Variants in ABLIM1 observed in about 807,000 individuals in gnomAD.
ABLIM1 encodes actin binding LIM protein 1, also known as actin-binding LIM protein 1.
ABLIM1 carries 40 observed loss-of-function variants against 107.0 expected under a neutral mutation model. That is an observed-to-expected ratio of 0.37 (90% confidence interval 0.29 to 0.49). The LOEUF (loss-of-function observed/expected upper bound fraction) is 0.49. Among genes scored for constraint, ABLIM1 ranks in the 20% least tolerant of loss-of-function variants. The pLI, the probability that ABLIM1 is intolerant of heterozygous loss-of-function variation, is 0.97. For missense variants in ABLIM1, 857 were observed against 1,008.5 expected (o/e 0.85, Z 2.04); for synonymous variants, 357 against 357.3 (o/e 1.00, Z 0.01).
intron 21 of ABLIM1, among the ~76,000 whole-genome samples, chr10:114,438,662 CAG>C (rs1362594790): frequency 6.6e-6 from 1 of 152,202 alleles, no homozygotes; most frequent in East Asian, 1.9e-4. Flanking sequence ...TGGGGCCAGG[CAG>C]GCCCAGAAGC....
chr10:114,754,831 G>A (rs61869113), intron 1 of ABLIM1, among the ~76,000 whole-genome samples: 2,878 of 152,256 alleles, frequency 0.019, 52 homozygotes, highest in South Asian at 0.047. Flanking sequence ...GTCCAGCCCC[G>A]AGAGATTCTT....
the ABLIM1 span, among the ~76,000 whole-genome samples, chr10:114,774,335 G>A: frequency 6.6e-6 from 1 of 152,172 alleles, no homozygotes; most frequent in African/African-American, 2.4e-5. Context: ...CTGACTAGAG[G>A]AAACTCCCAG....
intron 1 of ABLIM1, among the ~76,000 whole-genome samples, chr10:114,765,329 G>A (rs1405213136): frequency 2.0e-5 from 3 of 151,318 alleles, no homozygotes; most frequent in Non-Finnish European, 2.9e-5. Flanking sequence ...ACATACAGGT[G>A]TGAGCCACTG....
intron 5 of ABLIM1, chr10:114,547,360 G>A (rs1384517124): frequency 1.5e-5 from 5 of 326,680 alleles, no homozygotes; most frequent in Non-Finnish European, 2.8e-5. Context: ...AGAATGAACA[G>A]CAACAGGGAA....
chr10:114,530,105 G>A (rs73357381), intron 6 of ABLIM1, among the ~76,000 whole-genome samples: 2 of 152,146 alleles, frequency 1.3e-5, no homozygotes, highest in Non-Finnish European at 2.9e-5. Context: ...TCTAAAGTAG[G>A]ATTGTGATGA....
chr10:114,543,368 T>G (rs2066925800), intron 6 of ABLIM1, among the ~76,000 whole-genome samples: 1 of 152,218 alleles, frequency 6.6e-6, no homozygotes, highest in South Asian at 2.1e-4. Flanking sequence ...TCTATCTGTA[T>G]GGATTTACCT....
chr10:114,582,993 AAAAC>A (rs1235700307), intron 2 of ABLIM1, among the ~76,000 whole-genome samples: 1 of 152,186 alleles, frequency 6.6e-6, no homozygotes, highest in Non-Finnish European at 1.5e-5. Flanking sequence ...AATTACAACA[AAAAC>A]AAAAATTGAC....
chr10:114,785,521 A>G, the ABLIM1 span, among the ~76,000 whole-genome samples: 47 of 152,318 alleles, frequency 3.1e-4, no homozygotes, highest in African/African-American at 1.1e-3. Flanking sequence ...TGTGATAAGA[A>G]TAGCATTCTT....
At chr10:114,477,619 G>A (rs984751524) in intron 8 of ABLIM1, among the ~76,000 whole-genome samples, 10 of 152,192 alleles carry the variant, frequency 6.6e-5, no homozygotes, top group African/African-American at 2.2e-4. Flanking sequence ...AACAACGCAC[G>A]CACATGTAGG....
intron 6 of ABLIM1, among the ~76,000 whole-genome samples, chr10:114,506,266 T>C (rs1349666605): frequency 6.6e-6 from 1 of 152,208 alleles, no homozygotes; most frequent in Non-Finnish European, 1.5e-5. Context: ...CCACCATGAA[T>C]GGGCACCTAG....
intron 17 of ABLIM1, 106 bp downstream of exon 17, chr10:114,443,923 C>T (rs1014423612): frequency 1.6e-5 from 14 of 867,108 alleles, no homozygotes; most frequent in East Asian, 7.7e-5. Flanking sequence ...CTTCCTTTCC[C>T]GTGGAATACT....
intron 8 of ABLIM1, chr10:114,485,405 A>G (rs757752452): frequency 6.3e-7 from 1 of 1,584,172 alleles, no homozygotes; most frequent in Non-Finnish European, 8.6e-7. Flanking sequence ...GAGAAAAGGG[A>G]AGAACGAACA....
chr10:114,545,007 C>G lies in ABLIM1; in HGVS notation c.892G>C (p.Glu298Gln), dbSNP rs770445825. The G allele has an allele frequency of 6.2e-7, 1 of 1,614,098 alleles. No homozygotes were observed. Among genetic ancestry groups the G allele is most frequent in the Non-Finnish European group, 8.5e-7 (1 of 1,179,986 alleles). The part of the protein sequence containing the change: ...CHQFITGKVL[E>Q]AGDKHYHPSC... ...GAGGGAGCCGGTCTGCCACTTACCTCCAGGACTTTCCCTGTGATAAACTGG... is the reference window on the plus strand; with the variant it reads ...GAGGGAGCCGGTCTGCCACTTACCTGCAGGACTTTCCCTGTGATAAACTGG... Residue 298 changes from glutamate (E) to glutamine (Q), a missense_variant and splice_region_variant, in exon 6 of 23, where the codon GAG becomes CAG. Coordinates refer to ENST00000533213, the MANE Select transcript of ABLIM1 (RefSeq NM_002313.7).
intron 1 of ABLIM1, among the ~76,000 whole-genome samples, chr10:114,748,550 G>A (rs2082434533): frequency 7.0e-6 from 1 of 143,406 alleles, no homozygotes; most frequent in Non-Finnish European, 1.5e-5. Context: ...TGTCCAATAA[G>A]TTCATTTCTC....
chr10:114,748,905 T>C (rs1055638189), intron 1 of ABLIM1, among the ~76,000 whole-genome samples: 1 of 152,082 alleles, frequency 6.6e-6, no homozygotes, highest in Non-Finnish European at 1.5e-5. Context: ...ACTCCTGGCT[T>C]CAAGCGATCC....
chr10:114,551,083 C>T (rs1216896045), intron 4 of ABLIM1, among the ~76,000 whole-genome samples: 5 of 152,122 alleles, frequency 3.3e-5, no homozygotes, highest in Non-Finnish European at 2.9e-5. Context: ...CAGGAAGACT[C>T]GGGCAAGTTA....
chr10:114,778,095 G>A, the ABLIM1 span: 1 of 152,322 alleles, frequency 6.6e-6, no homozygotes, highest in African/African-American at 2.4e-5. Context: ...TGGGCATGGT[G>A]GCTCACGCCT....
chr10:114,638,792 T>C (rs918550998), intron 1 of ABLIM1, among the ~76,000 whole-genome samples: 1 of 152,202 alleles, frequency 6.6e-6, no homozygotes. Context: ...TCCAGATACC[T>C]TATCCTTCAT....
chr10:114,784,945 T>C, the ABLIM1 span, among the ~76,000 whole-genome samples: 3 of 151,448 alleles, frequency 2.0e-5, no homozygotes, highest in South Asian at 6.2e-4. Flanking sequence ...CTGTGTTTTC[T>C]AATTTTTTCA....
Sources: gnomAD v4.1 joint callset for allele counts (sites outside exome capture counted in the v4.1 genomes callset) on GRCh38, gnomAD v4.1.1 for gene constraint, MANE v1.5 for transcripts, NCBI Gene and HGNC (gene_info 2026-07-23, HGNC 2026-07-21) for gene names.